Variants in RTEL1 observed in about 807,000 individuals in gnomAD.
RTEL1 encodes regulator of telomere length.
A neutral mutation model predicts 162.2 loss-of-function variants in RTEL1; 86 were observed. The observed-to-expected ratio is 0.53, with a 90% CI of 0.45 to 0.63. The LOEUF is 0.63. RTEL1 is among the 30% of genes least tolerant of loss of function. The probability of loss-of-function intolerance (pLI) is 0.00; values close to 1 mark genes in which losing one functional copy is unlikely to be tolerated. For missense variants in RTEL1, 1,941 were observed against 1,750.2 expected (o/e 1.11, Z -1.95); for synonymous variants, 958 against 717.9 (o/e 1.33, Z -5.35).
intron 6 of RTEL1, among the ~76,000 whole-genome samples, chr20:63,663,296 G>T (rs1194872847): frequency 2.0e-5 from 3 of 152,232 alleles, no homozygotes; most frequent in Non-Finnish European, 4.4e-5. Flanking sequence ...TCTTGGGAGG[G>T]TGTCCTGGAA....
At chr20:63,691,475 C>T (rs990399309) in intron 27 of RTEL1, among the ~76,000 whole-genome samples, 35 of 152,154 alleles carry the variant, frequency 2.3e-4, no homozygotes, top group Admixed American at 1.8e-3. Context: ...ACCTGTGTCC[C>T]CTTCCTGCCA....
chr20:63,672,361 TC>T (rs1276456563), intron 8 of RTEL1, among the ~76,000 whole-genome samples, 194 bp from the exon 9 acceptor site: 1 of 152,160 alleles, frequency 6.6e-6, no homozygotes, highest in African/African-American at 2.4e-5. Context: ...GAGGAGCGTC[TC>T]CCGGTATGGC....
At chr20:63,682,823 CAG>C (rs1266004282) in intron 14 of RTEL1, among the ~76,000 whole-genome samples, 1 of 152,240 alleles carries the variant, frequency 6.6e-6, no homozygotes, top group Non-Finnish European at 1.5e-5. Flanking sequence ...GCTCGGAAGT[CAG>C]GGCTTAGCTG....
intron 30 of RTEL1, among the ~76,000 whole-genome samples, chr20:63,693,705 T>A (rs947166084): frequency 0.013 from 55 of 4,130 alleles, no homozygotes; most frequent in African/African-American, 0.016. Flanking sequence ...CACCACCACC[T>A]CCACCACCAC....
Position 63,666,010 on chromosome 20 carries a change from G to C in RTEL1, c.545G>C (p.Ser182Thr), listed in dbSNP as rs750764101. 6.2e-7 allele frequency: 1 copy of C among 1,614,000 alleles called. No homozygotes were observed. The highest frequency in any genetic ancestry group is 1.7e-5 in the Admixed American group (1 of 60,006). Reference sequence around the variant, plus strand: ...CCCTGCCTCACACCTGCAGAAAAAAGCCTGGAGCAGGAGCTGGCCAGCCCC... The same window carrying C: ...CCCTGCCTCACACCTGCAGAAAAAACCCTGGAGCAGGAGCTGGCCAGCCCC... ...CHFYNNVEEK[S>T]LEQELASPIL... Residue 182 changes from serine to threonine, a missense_variant, in exon 7 of 35, where the codon AGC becomes ACC. Physicochemically the swap from Ser to Thr is moderately conservative, Grantham distance 58. Coordinates refer to ENST00000360203, the MANE Select transcript of RTEL1 (RefSeq NM_001283009.2).
At chr20:63,694,658 TC>T in intron 31 of RTEL1, 82 bp from the exon 32 acceptor site, 2 of 1,341,544 alleles carry the variant, frequency 1.5e-6, no homozygotes, top group East Asian at 2.4e-5. Context: ...CTCCAGGAGT[TC>T]CTGGAGGAAG....
intron 30 of RTEL1, among the ~76,000 whole-genome samples, chr20:63,693,708 A>ACCT (rs2090878773): frequency 1.1e-4 from 4 of 36,650 alleles, no homozygotes; most frequent in African/African-American, 3.4e-4. Flanking sequence ...CACCACCTCC[A>ACCT]CCACCACCAC....
chr20:63,677,088 G>A (rs1036023414), intron 10 of RTEL1, among the ~76,000 whole-genome samples: 4 of 110,878 alleles, frequency 3.6e-5, no homozygotes, highest in Middle Eastern at 6.0e-3. Context: ...TGACCCCGGC[G>A]GTTGTGGCCT....
chr20:63,664,352 T>C (rs1443629917), intron 6 of RTEL1, among the ~76,000 whole-genome samples: 1 of 152,222 alleles, frequency 6.6e-6, no homozygotes, highest in Non-Finnish European at 1.5e-5. Context: ...ACGCTGAGCA[T>C]GGGCCTGGCC....
In RTEL1 at chr20:63,695,837, C is replaced by A. The variant is rs779873400; in HGVS notation, c.3882C>A (p.Val1294=). 1.3e-6 allele frequency: 2 copies of A among 1,596,536 alleles called. No homozygotes were observed. The highest frequency in any genetic ancestry group is 2.3e-5 in the South Asian group (2 of 88,454). The part of the protein sequence containing the change: ...TASRKQSVMQ[V]FWPEPQ Reference sequence around the variant, plus strand: ...CCAGGAAGCAGAGCGTCATGCAGGTCTTCTGGCCAGAGCCCCAGTGAGTGC... The same window carrying A: ...CCAGGAAGCAGAGCGTCATGCAGGTATTCTGGCCAGAGCCCCAGTGAGTGC... Residue 1294 remains valine, a synonymous_variant, in exon 35 of 35, where the codon GTC becomes GTA. Coordinates refer to ENST00000360203, the MANE Select transcript of RTEL1 (RefSeq NM_001283009.2).
chr20:63,675,632 G>T (rs1051447025), intron 10 of RTEL1, among the ~76,000 whole-genome samples: 2 of 152,050 alleles, frequency 1.3e-5, no homozygotes, highest in African/African-American at 4.8e-5. Context: ...TCCCGTCTCA[G>T]CGTCTTAAAG....
rs746271642 is a variant in RTEL1 at position 63,659,411 on chromosome 20, G to A, written c.9G>A (p.Lys3=). MP[K]IVLNGVTVDF... ...TCTGAGAACAGGCTGATATGCCCAA[G>A]ATAGTCCTGAATGGTGTGACCGTAG... The change falls in exon 2 of 35, where the codon AAG becomes AAA. Residue 3 remains lysine (K), a synonymous_variant. Transcript: ENST00000360203. 3 of 1,613,682 alleles carry A rather than the reference G, an allele frequency of 1.9e-6. No individual in the cohort carries two copies. Among genetic ancestry groups the A allele is most frequent in the East Asian group, 2.2e-5 (1 of 44,894 alleles).
chr20:63,687,227 T>C (rs1393420375), intron 16 of RTEL1: 1 of 185,332 alleles, frequency 5.4e-6, no homozygotes, highest in Non-Finnish European at 1.1e-5. Context: ...CAGGCAGAGC[T>C]GGGAACTCGC....
intron 2 of RTEL1, 89 bp downstream of exon 2, chr20:63,659,593 C>A: frequency 2.0e-6 from 2 of 997,628 alleles, no homozygotes; most frequent in Non-Finnish European, 3.2e-6. Context: ...CCATTCCAGC[C>A]AGGCCCCTCC....
At chr20:63,658,758 G>C (rs2089960896) in intron 1 of RTEL1, 1 of 154,030 alleles carries the variant, frequency 6.5e-6, no homozygotes, top group Non-Finnish European at 1.4e-5. Context: ...GAGAAGTTGA[G>C]TGATTTGCTG....
At chr20:63,670,334 A>G (rs1397646478) in intron 8 of RTEL1, among the ~76,000 whole-genome samples, 1 of 12,762 alleles carries the variant, frequency 7.8e-5, no homozygotes, top group African/African-American at 6.4e-4. Context: ...TTTCGCCAAG[A>G]TGGGTGGAAT....
At position 63,672,574 on chromosome 20, in the gene RTEL1, A is replaced by G. The variant is rs141578937; in HGVS notation, c.718A>G (p.Ile240Val). Residue 240 changes from isoleucine (I) to valine (V), a missense_variant, in exon 9 of 35, where the codon ATT becomes GTT. Coordinates refer to ENST00000360203, the MANE Select transcript of RTEL1 (RefSeq NM_001283009.2). ...CCTGTAGAGCCGCAGAGCACACAACATTGACCTGAAGGGGACAGTCGTGAT... is the reference window on the plus strand; with the variant it reads ...CCTGTAGAGCCGCAGAGCACACAACGTTGACCTGAAGGGGACAGTCGTGAT... ...LDAKSRRAHNIDLKGTVVIFD... is the reference protein window; with the variant it reads ...LDAKSRRAHNVDLKGTVVIFD... 210 of 1,585,002 alleles carry G rather than the reference A, an allele frequency of 1.3e-4. No individual in the cohort carries two copies. Among genetic ancestry groups the G allele is most frequent in the Non-Finnish European group, 1.3e-4 (154 of 1,163,606 alleles).
chr20:63,674,488 G>A (rs554592867), intron 10 of RTEL1, among the ~76,000 whole-genome samples: 3 of 152,254 alleles, frequency 2.0e-5, no homozygotes, highest in South Asian at 2.1e-4. Context: ...TGGGAGCATC[G>A]CTTGAGGCCA....
At chr20:63,681,316 C>T (rs1443329723) in intron 14 of RTEL1, 2 of 985,206 alleles carry the variant, frequency 2.0e-6, no homozygotes, top group Non-Finnish European at 2.4e-6. Flanking sequence ...GAGGGCACGC[C>T]CCATTTTGGG....
Sources: gnomAD v4.1 joint callset for allele counts (sites outside exome capture counted in the v4.1 genomes callset) on GRCh38, gnomAD v4.1.1 for gene constraint, MANE v1.5 for transcripts, NCBI Gene and HGNC (gene_info 2026-07-23, HGNC 2026-07-21) for gene names.